The following SPAG16 variants were observed in gnomAD, a reference collection of about 807,000 sequenced individuals.
SPAG16 encodes sperm associated antigen 16.
Under a neutral mutation model 80.4 loss-of-function variants are expected in SPAG16, and 86 were observed. That is an observed-to-expected ratio of 1.07 (90% CI 0.90 to 1.28). SPAG16 has a LOEUF of 1.28. SPAG16 is among the 50% of genes most tolerant of loss of function. The pLI is 0.00. For synonymous variants in SPAG16, 294 were observed against 265.9 expected, an observed-to-expected ratio of 1.11 and a Z score of -1.03; for missense variants, 870 against 765.3, an observed-to-expected ratio of 1.14 and a Z score of -1.61.
intron 12 of SPAG16, among the ~76,000 whole-genome samples, chr2:214,002,547 G>A (rs1373047552): frequency 6.6e-6 from 1 of 152,136 alleles, no homozygotes; most frequent in Non-Finnish European, 1.5e-5. Flanking sequence ...AGAGATAGAT[G>A]CAATTATGGA....
At chr2:213,976,474 G>A (rs1314963217) in intron 12 of SPAG16, among the ~76,000 whole-genome samples, 4 of 151,896 alleles carry the variant, frequency 2.6e-5, no homozygotes, top group Non-Finnish European at 5.9e-5. Context: ...ATTAACTTAT[G>A]TAGCAAAAAG....
At chr2:213,855,356 T>G (rs1025242779) in intron 10 of SPAG16, among the ~76,000 whole-genome samples, 5 of 152,224 alleles carry the variant, frequency 3.3e-5, no homozygotes, top group Non-Finnish European at 7.3e-5. Context: ...CAAGTTCATG[T>G]ATTCTGGCTT....
At chr2:214,032,497 A>G (rs542121432) in intron 13 of SPAG16, among the ~76,000 whole-genome samples, 1 of 152,334 alleles carries the variant, frequency 6.6e-6, no homozygotes, top group African/African-American at 2.4e-5. Context: ...TATTGAAGAC[A>G]TGTAACAATT....
At chr2:213,355,245 C>A (rs975917221) in intron 7 of SPAG16, among the ~76,000 whole-genome samples, 3 of 152,266 alleles carry the variant, frequency 2.0e-5, no homozygotes, top group Admixed American at 2.0e-4. Flanking sequence ...GTACTGGTAC[C>A]ATGCTATTTT....
chr2:213,928,328 A>G (rs1023410273), intron 11 of SPAG16, among the ~76,000 whole-genome samples: 3 of 150,854 alleles, frequency 2.0e-5, no homozygotes, highest in Non-Finnish European at 4.4e-5. Flanking sequence ...TCCTGACCTC[A>G]TGATCTGCCC....
intron 10 of SPAG16, among the ~76,000 whole-genome samples, chr2:213,713,029 C>A (rs960992560): frequency 6.6e-6 from 1 of 152,052 alleles, no homozygotes; most frequent in Non-Finnish European, 1.5e-5. Context: ...CTTCACAGGG[C>A]GGCAGGAGAG....
intron 3 of SPAG16, among the ~76,000 whole-genome samples, chr2:213,302,812 G>T (rs1461979598): frequency 2.0e-5 from 3 of 152,094 alleles, no homozygotes; most frequent in Non-Finnish European, 4.4e-5. Context: ...GCACATTCAG[G>T]AAGACACAGA....
intron 13 of SPAG16, among the ~76,000 whole-genome samples, chr2:214,016,090 C>T (rs527824615): frequency 2.0e-5 from 3 of 152,106 alleles, no homozygotes; most frequent in Admixed American, 6.5e-5. Flanking sequence ...ATTTTCAGAG[C>T]TAAAATTGGA....
chr2:214,097,193 C>T (rs2052648873), intron 13 of SPAG16, among the ~76,000 whole-genome samples: 1 of 151,950 alleles, frequency 6.6e-6, no homozygotes, highest in Non-Finnish European at 1.5e-5. Context: ...TTTTTTCTTG[C>T]AGCTGGCATA....
intron 15 of SPAG16, among the ~76,000 whole-genome samples, chr2:214,206,055 G>A (rs977758122): frequency 1.1e-4 from 16 of 151,972 alleles, no homozygotes; most frequent in African/African-American, 3.9e-4. Context: ...AAATAGCTAG[G>A]TGTGGTGGCA....
intron 10 of SPAG16, among the ~76,000 whole-genome samples, chr2:213,686,947 T>C (rs551413213): frequency 3.3e-5 from 5 of 152,288 alleles, no homozygotes; most frequent in Admixed American, 6.5e-5. Context: ...CCTCCCAAAG[T>C]GCTGGGATTA....
intron 15 of SPAG16, among the ~76,000 whole-genome samples, chr2:214,199,667 T>C (rs535750669): frequency 2.0e-5 from 3 of 152,320 alleles, no homozygotes; most frequent in South Asian, 2.1e-4. Flanking sequence ...GAGAATTACA[T>C]TGAATCTGTA....
At chr2:213,667,776 A>T (rs528174379) in intron 10 of SPAG16, among the ~76,000 whole-genome samples, 2 of 152,234 alleles carry the variant, frequency 1.3e-5, no homozygotes, top group Non-Finnish European at 2.9e-5. Flanking sequence ...TCTCACATAC[A>T]TAGACATGAG....
chr2:213,515,943 A>G (rs564390101), intron 10 of SPAG16, among the ~76,000 whole-genome samples: 1 of 152,306 alleles, frequency 6.6e-6, no homozygotes, highest in East Asian at 1.9e-4. Flanking sequence ...CTGTACTCCC[A>G]AGAATGAAAA....
At chr2:213,653,280 G>A (rs556244008) in intron 10 of SPAG16, among the ~76,000 whole-genome samples, 1 of 152,194 alleles carries the variant, frequency 6.6e-6, no homozygotes, top group Non-Finnish European at 1.5e-5. Context: ...TATCCTAATA[G>A]TAAAAAGGAT....
chr2:213,615,469 A>G (rs1444337409), intron 10 of SPAG16, among the ~76,000 whole-genome samples: 1 of 152,092 alleles, frequency 6.6e-6, no homozygotes, highest in East Asian at 1.9e-4. Flanking sequence ...CATGCACCTG[A>G]AATCCCAGCT....
intron 15 of SPAG16, chr2:214,240,278 T>G (rs1041818748): frequency 6.6e-6 from 1 of 152,206 alleles, no homozygotes; most frequent in African/African-American, 2.4e-5. Flanking sequence ...TCCTTCATAT[T>G]AATTCCAGGA....
chr2:213,686,690 T>C (rs942551227), intron 10 of SPAG16, among the ~76,000 whole-genome samples: 2 of 133,262 alleles, frequency 1.5e-5, no homozygotes, highest in African/African-American at 5.5e-5. Flanking sequence ...TTTTTTTTTT[T>C]TTTTTTTTTT....
At chr2:213,621,489 A>G (rs2061782944) in intron 10 of SPAG16, among the ~76,000 whole-genome samples, 1 of 152,208 alleles carries the variant, frequency 6.6e-6, no homozygotes, top group South Asian at 2.1e-4. Context: ...TTTAATGGTC[A>G]TGGAAAATTA....
Sources: gnomAD v4.1 joint callset for allele counts (sites outside exome capture counted in the v4.1 genomes callset) on GRCh38, gnomAD v4.1.1 for gene constraint, MANE v1.5 for transcripts, NCBI Gene and HGNC (gene_info 2026-07-23, HGNC 2026-07-21) for gene names.